Variants in NTRK3 observed in about 807,000 individuals in gnomAD.
NTRK3 encodes neurotrophic receptor tyrosine kinase 3, also known as NT-3 growth factor receptor.
NTRK3 carries 24 observed loss-of-function variants against 91.7 expected under a neutral mutation model. That is an observed-to-expected ratio of 0.26 (90% CI 0.19 to 0.37). The LOEUF (loss-of-function observed/expected upper bound fraction) is 0.37, where lower values mean the gene tolerates loss of function less well. Among genes scored for constraint, NTRK3 ranks in the 10% least tolerant of loss-of-function variants. The probability of loss-of-function intolerance (pLI) is 1.00; values close to 1 mark genes in which losing one functional copy is unlikely to be tolerated. For missense variants in NTRK3, 880 were observed against 1,068.9 expected (o/e 0.82, Z 2.46); for synonymous variants, 483 against 404.0 (o/e 1.20, Z -2.34).
chr15:87,951,251 T>A (rs940662205), intron 14 of NTRK3, among the ~76,000 whole-genome samples: 1 of 152,220 alleles, frequency 6.6e-6, no homozygotes, highest in African/African-American at 2.4e-5. Flanking sequence ...CTCCTCAGAA[T>A]GTCTATTCCT....
Position 87,910,431 on chromosome 15 carries a change from C to T in NTRK3, c.2133+18760G>A, listed in dbSNP as rs560145250. ...GCTCCCAAGAGAGTTTTCACGGATG[C>T]TAACGGTTGCTGAGGTGCTAGCACT... is the stretch of plus-strand genomic sequence containing the variant. On this transcript the variant is annotated intron_variant, in intron 17 of 18. Coordinates refer to ENST00000394480, the Ensembl canonical transcript of NTRK3. Among the ~76,000 whole-genome samples the T allele has an allele frequency of 2.6e-5, 4 of 152,260 alleles. No homozygotes were observed. The East Asian group carries it at 5.8e-4, about 22-fold the overall frequency.
rs902844878 is a variant in NTRK3, at chr15:88,255,789, C to A, written c.248+117G>T. The A allele has an allele frequency of 1.2e-6, 1 of 823,994 alleles. No homozygotes were observed. Among genetic ancestry groups the A allele is most frequent in the African/African-American group, 1.8e-5 (1 of 54,324 alleles). The allele number at this position is 823,994 out of a possible 1,614,324, so 51.0% of individuals were successfully genotyped here. A position where few individuals can be genotyped will look rare whatever the true frequency, so the allele number is the denominator to read the frequency against. ...CAGAGCGAGCCTGACGCGCGCCCAG[C>A]GGGCGGCGGGCAGCGGCGAGCTGGG... is the stretch of plus-strand genomic sequence containing the variant. On this transcript the variant is annotated intron_variant, in intron 3 of 18. Coordinates refer to ENST00000394480, the Ensembl canonical transcript of NTRK3. This position sits in a 1 kb window ranked among gnomAD's most constrained non-coding sequence, Gnocchi z 4.3.
At position 87,979,168 on chromosome 15, in the gene NTRK3, G is replaced by A. The variant is rs768959262; in HGVS notation, c.1586-38415C>T. 164 of 655,232 alleles carry A rather than the reference G, an allele frequency of 2.5e-4. 1 individual carries two copies. Among genetic ancestry groups the A allele is most frequent in the South Asian group, 2.1e-3 (117 of 56,948 alleles). The allele number at this position is 655,232 out of a possible 1,614,324, so 40.6% of individuals were successfully genotyped here. On this transcript the variant is annotated intron_variant, in intron 14 of 18. Transcript: ENST00000394480. ...GGAGGGAAGGGGCAACCCTGCCAGT[G>A]GTGGATGGGGGAAAACACCCATCTG...
chr15:88,183,453 G>T, exon 5 of NTRK3: 1 of 1,614,106 alleles, frequency 6.2e-7, no homozygotes, highest in Non-Finnish European at 8.5e-7. Context: ...CAAAGGCTCT[G>T]GGCTGAATGC....
intron 14 of NTRK3, among the ~76,000 whole-genome samples, chr15:87,967,816 G>A (rs2072919076): frequency 6.6e-6 from 1 of 152,184 alleles, no homozygotes; most frequent in Non-Finnish European, 1.5e-5. Flanking sequence ...GTTGTAGCCA[G>A]TTTGCTTTAA....
At chr15:88,126,316 C>G (rs56394626) in exon 13 of NTRK3, 1 of 1,613,864 alleles carries the variant, frequency 6.2e-7, no homozygotes, top group Admixed American at 1.7e-5. Context: ...TTGATCATGA[C>G]GAAGAGAACC....
At chr15:88,097,610 C>T (rs1283831594) in intron 13 of NTRK3, among the ~76,000 whole-genome samples, 3 of 152,192 alleles carry the variant, frequency 2.0e-5, no homozygotes, top group African/African-American at 7.2e-5. Context: ...ATGTTCACCT[C>T]ATTGTTACTG....
At chr15:88,072,125 C>A (rs781146767) in intron 13 of NTRK3, among the ~76,000 whole-genome samples, 22 of 151,720 alleles carry the variant, frequency 1.5e-4, no homozygotes, top group Non-Finnish European at 2.6e-4. Context: ...CCTGCCTCAG[C>A]CTCCTGAGTA....
At chr15:88,060,663 C>T (rs1597067095) in intron 13 of NTRK3, among the ~76,000 whole-genome samples, 1 of 152,116 alleles carries the variant, frequency 6.6e-6, no homozygotes, top group Non-Finnish European at 1.5e-5. Flanking sequence ...CACGGGGGAA[C>T]AGCAGGAGCT....
At chr15:88,093,081 T>TG (rs1221542955) in intron 13 of NTRK3, among the ~76,000 whole-genome samples, 1 of 151,402 alleles carries the variant, frequency 6.6e-6, no homozygotes, top group African/African-American at 2.4e-5. Flanking sequence ...TTTGTTTTTT[T>TG]TTTTTTGTTG....
At chr15:87,981,247 C>T in intron 14 of NTRK3, 1 of 1,591,948 alleles carries the variant, frequency 6.3e-7, no homozygotes, top group Non-Finnish European at 8.6e-7. Flanking sequence ...GGGTAAGACA[C>T]TTCCCCACTC....
intron 17 of NTRK3, among the ~76,000 whole-genome samples, chr15:87,921,092 T>A (rs1350028584): frequency 6.6e-6 from 1 of 152,190 alleles, no homozygotes; most frequent in Non-Finnish European, 1.5e-5. Context: ...TTTTGCAACT[T>A]TTCTGTACAT....
chr15:88,254,076 C>G (rs1386639148), intron 3 of NTRK3, among the ~76,000 whole-genome samples: 1 of 152,180 alleles, frequency 6.6e-6, no homozygotes, highest in Non-Finnish European at 1.5e-5. Flanking sequence ...CCCAGAGACC[C>G]AGGCTGGGTA....
exon 19 of NTRK3, chr15:87,863,269 T>A (rs1415049473): frequency 4.4e-6 from 1 of 226,512 alleles, no homozygotes; most frequent in Non-Finnish European, 8.8e-6. Context: ...GTCTTCCAAG[T>A]TGAGGCTCCG....
intron 3 of NTRK3, among the ~76,000 whole-genome samples, chr15:88,245,456 C>T (rs755517127): frequency 2.0e-4 from 31 of 152,156 alleles, no homozygotes; most frequent in Admixed American, 1.0e-3. Context: ...ACCAAAGAAG[C>T]CTCTACTCTT....
At chr15:87,999,006 T>C (rs774102112) in intron 14 of NTRK3, among the ~76,000 whole-genome samples, 1 of 152,044 alleles carries the variant, frequency 6.6e-6, no homozygotes, top group Non-Finnish European at 1.5e-5. Context: ...AAATGGGGCT[T>C]CCCAAAGGAT....
chr15:88,254,404 G>A (rs534167799), intron 3 of NTRK3, among the ~76,000 whole-genome samples: 14 of 152,214 alleles, frequency 9.2e-5, no homozygotes, highest in Admixed American at 7.2e-4. Flanking sequence ...TGTTTATCTT[G>A]TCATCTCTGG....
At chr15:88,013,766 C>T (rs1033554442) in intron 14 of NTRK3, among the ~76,000 whole-genome samples, 8 of 152,066 alleles carry the variant, frequency 5.3e-5, no homozygotes, top group Admixed American at 4.6e-4. Flanking sequence ...CTTTGGGGGA[C>T]TGAGGTAGGT....
intron 17 of NTRK3, among the ~76,000 whole-genome samples, chr15:87,917,525 C>T (rs1717855274): frequency 6.6e-6 from 1 of 152,178 alleles, no homozygotes; most frequent in Non-Finnish European, 1.5e-5. Flanking sequence ...GACTTGGTGG[C>T]CTAAAAGATG....
Sources: gnomAD v4.1 joint callset for allele counts (sites outside exome capture counted in the v4.1 genomes callset) on GRCh38, gnomAD v4.1.1 for gene constraint, Gnocchi (gnomAD v3.1) non-coding constraint, MANE v1.5 for transcripts, NCBI Gene and HGNC (gene_info 2026-07-23, HGNC 2026-07-21) for gene names.